SHC3: variants seen among roughly 807,000 people sequenced by gnomAD.
The protein encoded by SHC3 is SHC-transforming protein 3.
In SHC3, 15 loss-of-function variants were observed where a neutral mutation model predicts 60.4. That is an observed-to-expected ratio of 0.25 (90% CI 0.17 to 0.38). The LOEUF is 0.38. Among genes scored for constraint, SHC3 ranks in the 10% least tolerant of loss-of-function variants. The probability of loss-of-function intolerance (pLI) is 1.00; values close to 1 mark genes in which losing one functional copy is unlikely to be tolerated. For missense variants in SHC3, 677 were observed against 786.1 expected (o/e 0.86, Z 1.66); for synonymous variants, 294 against 325.9 (o/e 0.90, Z 1.05).
intron 1 of SHC3, among the ~76,000 whole-genome samples, chr9:89,177,572 G>A (rs934946121): frequency 3.3e-5 from 5 of 152,176 alleles, no homozygotes; most frequent in African/African-American, 1.2e-4. Flanking sequence ...GCAGGAGTAG[G>A]GCCGCCACTC....
At chr9:89,140,475 G>T (rs1403112637) in intron 1 of SHC3, among the ~76,000 whole-genome samples, 1 of 152,130 alleles carries the variant, frequency 6.6e-6, no homozygotes, top group Non-Finnish European at 1.5e-5. Flanking sequence ...CTTCCTAGGT[G>T]GCCAAGAGCA....
intron 6 of SHC3, among the ~76,000 whole-genome samples, chr9:89,057,391 C>T (rs1325680124): frequency 6.7e-6 from 1 of 148,708 alleles, no homozygotes; most frequent in Non-Finnish European, 1.5e-5. Context: ...ATGAGTTTCT[C>T]AGTACATGTC....
At chr9:89,122,016 T>G (rs186133189) in intron 1 of SHC3, among the ~76,000 whole-genome samples, 1 of 152,338 alleles carries the variant, frequency 6.6e-6, no homozygotes, top group Non-Finnish European at 1.5e-5. Flanking sequence ...GGAGAATAAA[T>G]TCACATTCAT....
At chr9:89,119,431 A>G (rs1297633811) in intron 1 of SHC3, among the ~76,000 whole-genome samples, 1 of 152,116 alleles carries the variant, frequency 6.6e-6, no homozygotes. Flanking sequence ...AAAGTGATGA[A>G]AAGAAGACAA....
chr9:89,024,853 T>C (rs1826263874), intron 11 of SHC3, among the ~76,000 whole-genome samples: 1 of 152,100 alleles, frequency 6.6e-6, no homozygotes, highest in Admixed American at 6.5e-5. Context: ...AAGAGGCAGC[T>C]TACAGGGATA....
intron 5 of SHC3, among the ~76,000 whole-genome samples, chr9:89,068,678 T>A (rs930760285): frequency 2.0e-5 from 3 of 151,122 alleles, no homozygotes; most frequent in African/African-American, 2.4e-5. Flanking sequence ...TAAAAAAAAA[T>A]AAGATGTGAT....
chr9:89,068,030 C>G (rs1438353361), intron 5 of SHC3, among the ~76,000 whole-genome samples: 1 of 152,288 alleles, frequency 6.6e-6, no homozygotes. Flanking sequence ...GTCCCTGTCT[C>G]TCAGATGGTC....
chr9:89,145,282 A>T (rs538513344), intron 1 of SHC3, among the ~76,000 whole-genome samples: 40 of 152,388 alleles, frequency 2.6e-4, no homozygotes, highest in African/African-American at 9.6e-4. Flanking sequence ...TAGCACAGAG[A>T]GCACTAAGAG....
intron 2 of SHC3, among the ~76,000 whole-genome samples, chr9:89,096,148 A>G (rs536658919): frequency 6.6e-6 from 1 of 152,362 alleles, no homozygotes; most frequent in Admixed American, 6.5e-5. Flanking sequence ...AACGTTGAAT[A>G]CGCATGAGAG....
chr9:89,151,441 C>A (rs1389062356), intron 1 of SHC3, among the ~76,000 whole-genome samples: 1 of 152,124 alleles, frequency 6.6e-6, no homozygotes, highest in Non-Finnish European at 1.5e-5. Flanking sequence ...GAGCACTTGT[C>A]CCTTCTGCCA....
chr9:89,142,740 C>A (rs970171078), intron 1 of SHC3, among the ~76,000 whole-genome samples: 4 of 151,922 alleles, frequency 2.6e-5, no homozygotes, highest in African/African-American at 9.7e-5. Context: ...ATTCTAACTC[C>A]CCTAAGTTGG....
chr9:89,165,315 G>T (rs1263554033), intron 1 of SHC3, among the ~76,000 whole-genome samples: 1 of 151,512 alleles, frequency 6.6e-6, no homozygotes. Flanking sequence ...ATAAGTAGCA[G>T]ATCATTTTTG....
chr9:89,063,904 A>G (rs973728771), intron 6 of SHC3, among the ~76,000 whole-genome samples: 2 of 152,236 alleles, frequency 1.3e-5, no homozygotes, highest in African/African-American at 4.8e-5. Context: ...ATCAGCTGGG[A>G]CTGCTGTAAC....
chr9:89,034,929 C>T (rs1225523059), intron 11 of SHC3, among the ~76,000 whole-genome samples: 2 of 152,172 alleles, frequency 1.3e-5, no homozygotes, highest in African/African-American at 4.8e-5. Context: ...TGGCTCCTTG[C>T]TTCTAGCCCT....
chr9:89,035,988 T>C (rs576378663), intron 11 of SHC3, among the ~76,000 whole-genome samples: 7 of 151,686 alleles, frequency 4.6e-5, no homozygotes, highest in Non-Finnish European at 2.9e-5. Context: ...AAAGAAAATA[T>C]ATATTCAAAT....
At chr9:89,132,833 C>T (rs1227726175) in intron 1 of SHC3, among the ~76,000 whole-genome samples, 1 of 152,162 alleles carries the variant, frequency 6.6e-6, no homozygotes. Flanking sequence ...CAATACCATT[C>T]AGGACATAGG....
chr9:89,050,274 T>G (rs954589105), intron 7 of SHC3, among the ~76,000 whole-genome samples: 2 of 152,178 alleles, frequency 1.3e-5, no homozygotes. Flanking sequence ...TTTTGCATTT[T>G]TTTGTTGTTG....
At chr9:89,138,050 G>A (rs1273748469) in intron 1 of SHC3, among the ~76,000 whole-genome samples, 3 of 152,314 alleles carry the variant, frequency 2.0e-5, no homozygotes, top group South Asian at 2.1e-4. Context: ...ACCCTTTGTA[G>A]ACTCTGATGC....
intron 4 of SHC3, among the ~76,000 whole-genome samples, chr9:89,071,602 C>T (rs1439940483): frequency 3.3e-5 from 5 of 152,108 alleles, no homozygotes; most frequent in Non-Finnish European, 7.4e-5. Context: ...AACACGGGGG[C>T]GTATAGAGCA....
Sources: allele counts gnomAD v4.1 joint callset (sites outside exome capture counted in the v4.1 genomes callset), GRCh38; gene constraint gnomAD v4.1.1; transcripts MANE v1.5; gene names NCBI Gene and HGNC (gene_info 2026-07-23, HGNC 2026-07-21).